CFH: variants seen among roughly 807,000 people sequenced by gnomAD.
CFH encodes H factor 1 (complement).
CFH carries 53 observed loss-of-function variants against 147.3 expected under a neutral mutation model. That is an observed-to-expected ratio of 0.36 (90% CI 0.29 to 0.45). The LOEUF (loss-of-function observed/expected upper bound fraction) is 0.45. Among genes scored for constraint, CFH ranks in the 20% least tolerant of loss-of-function variants. CFH has a pLI of 1.00. For synonymous variants in CFH, 536 were observed against 489.4 expected, an observed-to-expected ratio of 1.10 and a Z score of -1.26; for missense variants, 1,380 against 1,498.0, an observed-to-expected ratio of 0.92 and a Z score of 1.30.
chr1:196,728,387 A>G lies in CFH; in HGVS notation c.2278A>G (p.Ile760Val), dbSNP rs772553879. 6.3e-7 allele frequency: 1 copy of G among 1,583,552 alleles called. No homozygotes were observed. The highest frequency in any genetic ancestry group is 8.6e-7 in the Non-Finnish European group (1 of 1,158,278). Residue 760 changes from isoleucine (I) to valine (V), a missense_variant, in exon 15 of 22, where the codon ATA (isoleucine) becomes GTA (valine). Ile to Val is a conservative substitution (Grantham distance 29). Around this residue, in one of 4 missense-constraint regions of CFH, gnomAD observed 830 missense variants for 821.4 expected, o/e 1.01. Transcript: ENST00000367429. ...GAAGTGCAAATCATCAAATTTAATTATACTTGAGGAACATTTAAAAAACAA... is the reference window on the plus strand; with the variant it reads ...GAAGTGCAAATCATCAAATTTAATTGTACTTGAGGAACATTTAAAAAACAA... ...LKKCKSSNLI[I>V]LEEHLKNKKE... is the part of the protein sequence containing the mutation.
At position 196,668,251 on chromosome 1, in the gene CFH, C is replaced by T. The variant is rs868787271; in HGVS notation, c.59-4727C>T. Reference sequence around the variant, plus strand: ...GTATTTTTCTATAGTTGAGTCTGCTCTTGTTGAATTCTTTCTGCTTTTGTT... The same window carrying T: ...GTATTTTTCTATAGTTGAGTCTGCTTTTGTTGAATTCTTTCTGCTTTTGTT... On this transcript the variant is annotated intron_variant, in intron 1 of 21. Transcript: ENST00000367429. Among the ~76,000 whole-genome samples the T allele has an allele frequency of 2.5e-4, 38 of 152,056 alleles. 1 individual carries two copies. The highest frequency in any genetic ancestry group is 1.4e-3 in the South Asian group (7 of 4,838).
intron 19 of CFH, 115 bp from the exon 20 acceptor site, chr1:196,743,336 TG>T: frequency 7.1e-7 from 1 of 1,413,402 alleles, no homozygotes; most frequent in Non-Finnish European, 9.8e-7. Flanking sequence ...ACAAAATATT[TG>T]ATGAGATTGT....
chr1:196,666,804 CA>C (rs10616982), intron 1 of CFH, among the ~76,000 whole-genome samples: 10,859 of 84,034 alleles, frequency 0.13, 252 homozygotes, highest in Middle Eastern at 0.18. Flanking sequence ...GACTCCGTCT[CA>C]AAAAAAAAAA....
chr1:196,662,655 G>A (rs1472208456), intron 1 of CFH, among the ~76,000 whole-genome samples: 1 of 152,104 alleles, frequency 6.6e-6, no homozygotes, highest in Non-Finnish European at 1.5e-5. Context: ...GCTAAGGTGA[G>A]TGGATTGCTT....
In CFH at chr1:196,734,859, T is replaced by C. The variant is rs544879100; in HGVS notation, c.2414-1965T>C. ...TGTATTTTTTAGTTTTATTATGTTTTACTGATTTTAGCTTTGCTAATTTTC... is the reference window on the plus strand; with the variant it reads ...TGTATTTTTTAGTTTTATTATGTTTCACTGATTTTAGCTTTGCTAATTTTC... On this transcript the variant is annotated intron_variant, in intron 15 of 21. Coordinates refer to ENST00000367429, the MANE Select transcript of CFH (RefSeq NM_000186.4). Among the ~76,000 whole-genome samples, 7 of 152,290 alleles carry C rather than the reference T, an allele frequency of 4.6e-5. No individual in the cohort carries two copies. The East Asian group carries it at 1.4e-3, about 29-fold the overall frequency.
intron 1 of CFH, among the ~76,000 whole-genome samples, chr1:196,662,183 A>G (rs1177842753): frequency 1.3e-5 from 2 of 152,198 alleles, no homozygotes; most frequent in Non-Finnish European, 2.9e-5. Flanking sequence ...TTTCTCACCA[A>G]CATTTAGATT....
chr1:196,709,523 G>A (rs1264481254), intron 9 of CFH, among the ~76,000 whole-genome samples: 1 of 152,060 alleles, frequency 6.6e-6, no homozygotes, highest in East Asian at 1.9e-4. Context: ...AAGGGATCAA[G>A]CCCGGAAGGA....
At position 196,726,763 on chromosome 1, in the gene CFH, G is replaced by C; in HGVS notation, c.2059G>C (p.Glu687Gln). 6.2e-7 allele frequency: 1 copy of C among 1,613,734 alleles called. No individual in the cohort carries two copies. Among genetic ancestry groups the C allele is most frequent in the Non-Finnish European group, 8.5e-7 (1 of 1,179,746 alleles). The change falls in exon 14 of 22, where the codon GAG becomes CAG. Residue 687 changes from glutamate to glutamine, a missense_variant and splice_region_variant. Glu to Gln is a conservative substitution (Grantham distance 29). This residue lies in a region of CFH where 830 missense variants were observed against 821.4 expected (regional missense o/e 1.01). Coordinates refer to ENST00000367429, the MANE Select transcript of CFH (RefSeq NM_000186.4). ...EWTTLPVCIV[E>Q]ESTCGDIPEL... The stretch of plus-strand genomic sequence containing the variant: ...CTTTTTTTGTAAAATTTACATAGTG[G>C]AGGAGAGTACCTGTGGAGATATACC...
chr1:196,747,252 A>C lies in CFH; in HGVS notation c.3635A>C (p.His1212Pro). ...GGATATCGTCTTTCATCACGTTCTC[A>C]CACATTGCGAACAACATGTTGGGAT... The part of the protein sequence containing the change: ...KRGYRLSSRS[H>P]TLRTTCWDGK... Residue 1212 changes from histidine to proline, a missense_variant, in exon 22 of 22, where the codon CAC becomes CCC. Coordinates refer to ENST00000367429, the MANE Select transcript of CFH (RefSeq NM_000186.4). 1.2e-6 allele frequency: 2 copies of C among 1,614,044 alleles called. No individual in the cohort carries two copies. Among genetic ancestry groups the C allele is most frequent in the Non-Finnish European group, 1.7e-6 (2 of 1,179,926 alleles).
chr1:196,678,506 C>G (rs1460855968), intron 5 of CFH: 2 of 151,800 alleles, frequency 1.3e-5, no homozygotes, highest in African/African-American at 4.8e-5. Context: ...ATCTTAGATA[C>G]AGATAAAAGA....
chr1:196,696,852 A>C (rs907348561), intron 9 of CFH, among the ~76,000 whole-genome samples: 1 of 152,184 alleles, frequency 6.6e-6, no homozygotes, highest in Non-Finnish European at 1.5e-5. Flanking sequence ...ATAATGCTAC[A>C]TATCCACAAC....
Position 196,741,856 on chromosome 1 carries a change from C to T in CFH, c.2957-19C>T. On this transcript the variant is annotated intron_variant, in intron 18 of 21. Coordinates refer to ENST00000367429, the MANE Select transcript of CFH (RefSeq NM_000186.4). ...TTTTTAAAGATTTGCGGAACAAATA[C>T]ATATTTTTCCTATTTCAGAAACAGA... The T allele has an allele frequency of 6.2e-7, 1 of 1,612,040 alleles. No individual in the cohort carries two copies. Among genetic ancestry groups the T allele is most frequent in the East Asian group, 2.2e-5 (1 of 44,842 alleles).
chr1:196,706,028 G>A (rs1440251221), intron 9 of CFH, among the ~76,000 whole-genome samples: 1 of 151,858 alleles, frequency 6.6e-6, no homozygotes, highest in Non-Finnish European at 1.5e-5. Context: ...ATTCACTGAG[G>A]AAAGCAGCTT....
chr1:196,707,974 A>G (rs1418997867), intron 9 of CFH, among the ~76,000 whole-genome samples: 1 of 152,184 alleles, frequency 6.6e-6, no homozygotes, highest in African/African-American at 2.4e-5. Context: ...CCTTATAGAC[A>G]TTACTTCATA....
chr1:196,703,982 C>CAAA (rs386369224), intron 9 of CFH, among the ~76,000 whole-genome samples: 14,329 of 60,358 alleles, frequency 0.24, 2,535 homozygotes, highest in Middle Eastern at 0.28. Flanking sequence ...AAGACTCTGT[C>CAAA]AAAAAAAAAA....
intron 6 of CFH, among the ~76,000 whole-genome samples, chr1:196,682,979 A>C (rs1667705945): frequency 1.1e-5 from 1 of 90,662 alleles, no homozygotes; most frequent in African/African-American, 5.1e-5. Flanking sequence ...AACTTTATAA[A>C]ATTTTATGTT....
intron 3 of CFH, among the ~76,000 whole-genome samples, chr1:196,674,778 C>T (rs1395366629): frequency 6.6e-6 from 1 of 152,120 alleles, no homozygotes; most frequent in African/African-American, 2.4e-5. Context: ...AACTCTACCA[C>T]TTAACATTTA....
intron 9 of CFH, among the ~76,000 whole-genome samples, chr1:196,709,526 C>G (rs147887277): frequency 6.6e-6 from 1 of 151,936 alleles, no homozygotes; most frequent in Non-Finnish European, 1.5e-5. Context: ...GGATCAAGCC[C>G]GGAAGGAACT....
chr1:196,666,658 A>C (rs746117697), intron 1 of CFH, among the ~76,000 whole-genome samples: 274 of 151,700 alleles, frequency 1.8e-3, no homozygotes, highest in Non-Finnish European at 2.8e-3. Flanking sequence ...AAAAAAACCC[A>C]AAAAATAGCC....
Sources: allele counts gnomAD v4.1 joint callset (sites outside exome capture counted in the v4.1 genomes callset), GRCh38; gene constraint gnomAD v4.1.1; regional missense constraint gnomAD v4.1.1; transcripts MANE v1.5; gene names NCBI Gene and HGNC (gene_info 2026-07-23, HGNC 2026-07-21).